Variants in MROH1 observed in about 807,000 individuals in gnomAD.
MROH1 encodes maestro heat-like repeat-containing protein family member 1.
MROH1 carries 117 observed loss-of-function variants against 116.5 expected under a neutral mutation model. The ratio of observed to expected loss-of-function variants is 1.00; its 90% CI spans 0.86 to 1.17. The LOEUF is 1.17. MROH1 is among the 50% of genes most tolerant of loss of function. MROH1 has a pLI of 0.00. For missense variants in MROH1, 1,873 were observed against 1,338.5 expected, an observed-to-expected ratio of 1.40 and a Z score of -6.23; for synonymous variants, 921 against 583.9, an observed-to-expected ratio of 1.58 and a Z score of -8.32.
At position 144,175,508 on chromosome 8, in the gene MROH1, C is replaced by T. The variant is rs1587893916; in HGVS notation, c.169-3947C>T. ...TCCCCAGTTCCTGCACTATACCGGC[C>T]GTGCTGCCCCGGCAGTTAATCCACC... On this transcript the variant is annotated intron_variant, in intron 4 of 43. Transcript: ENST00000326134. 7 of 985,474 alleles carry T rather than the reference C, an allele frequency of 7.1e-6. No individual in the cohort carries two copies. The South Asian group carries it at 2.3e-4, about 33-fold the overall frequency. The allele number at this position is 985,474 out of a possible 1,614,324, so 61.0% of individuals were successfully genotyped here.
chr8:144,148,131 GA>G (rs2130300924), intron 1 of MROH1, 55 bp downstream of exon 1: 1 of 152,396 alleles, frequency 6.6e-6, no homozygotes, highest in African/African-American at 2.4e-5. Context: ...GCCCCTCGGG[GA>G]AGTCTGGGCT....
chr8:144,180,679 T>TG lies in MROH1; in HGVS notation c.562+162dup, dbSNP rs1169320493. Among the ~76,000 whole-genome samples, 1 of 151,936 alleles carries TG rather than the reference T, an allele frequency of 6.6e-6. No homozygotes were observed. The highest frequency in any genetic ancestry group is 1.5e-5 in the Non-Finnish European group (1 of 67,908). On this transcript the variant is annotated intron_variant, in intron 7 of 43. Transcript: ENST00000326134. This position sits in a 1 kb window ranked among gnomAD's most constrained non-coding sequence, Gnocchi z 7.4. ...CCCCTGGCTGAGGCTGCTGGCTGGT[T>TG]GGGGGGCCCATGTGGGGCTGACACA...
At chr8:144,244,051 T>C (rs1841462651) in intron 26 of MROH1, 109 bp downstream of exon 26, 1 of 715,998 alleles carries the variant, frequency 1.4e-6, no homozygotes, top group South Asian at 1.5e-5. Context: ...TGTGTGCCTG[T>C]GCTTGCGTGT....
In MROH1 at chr8:144,260,166, T is replaced by C. The variant is rs1463009939; in HGVS notation, c.4192-20T>C. ...CAGACGGTGACTCTGGGACCCAGGC[T>C]GAGTGTAAGGTATCCTCAGGTGCGA... On this transcript the variant is annotated intron_variant, in intron 38 of 43. Transcript: ENST00000326134. 19 of 764,134 alleles carry C rather than the reference T, an allele frequency of 2.5e-5. No individual in the cohort carries two copies. The Admixed American group carries it at 3.2e-4, about 13-fold the overall frequency. 47.3% of individuals were successfully genotyped at this position (764,134 alleles called of 1,614,324 possible). A position where few individuals can be genotyped will look rare whatever the true frequency, so the allele number is the denominator to read the frequency against.
At chr8:144,202,238 G>A (rs1023057856) in intron 12 of MROH1, among the ~76,000 whole-genome samples, 4 of 151,998 alleles carry the variant, frequency 2.6e-5, no homozygotes, top group Admixed American at 2.0e-4. Context: ...GAGGCTGGCG[G>A]GGGGAGAGCC....
At chr8:144,181,758 A>ACGTGCCATCCAGGCTGCAGGG (rs1825773610) in intron 7 of MROH1, among the ~76,000 whole-genome samples, 1 of 152,098 alleles carries the variant, frequency 6.6e-6, no homozygotes, top group Non-Finnish European at 1.5e-5. Context: ...GGGGCGCAGG[A>ACGTGCCATCCAGGCTGCAGGG]CGTGCCATCC....
At position 144,261,467 on chromosome 8, in the gene MROH1, G is replaced by A. The variant is rs947753637; in HGVS notation, c.4840+118G>A. The A allele has an allele frequency of 3.4e-4, 235 of 697,066 alleles. 3 individuals carry two copies. Among genetic ancestry groups the A allele is most frequent in the Admixed American group, 1.2e-4 (6 of 49,454 alleles). 43.2% of individuals were successfully genotyped at this position (697,066 alleles called of 1,614,324 possible). A position where few individuals can be genotyped will look rare whatever the true frequency, so the allele number is the denominator to read the frequency against. Reference sequence around the variant, plus strand: ...TTTCCCTGTCACTGGTGACCTCATCGTCTCTAGTAATTCACGGAAACTTCT... The same window carrying A: ...TTTCCCTGTCACTGGTGACCTCATCATCTCTAGTAATTCACGGAAACTTCT... On this transcript the variant is annotated intron_variant, in intron 43 of 43. Transcript: ENST00000326134.
At chr8:144,161,879 C>T (rs369985097) in intron 2 of MROH1, among the ~76,000 whole-genome samples, 1 of 152,098 alleles carries the variant, frequency 6.6e-6, no homozygotes, top group African/African-American at 2.4e-5. Flanking sequence ...CCACTCAGCC[C>T]AGCTTCTCCG....
chr8:144,174,604 C>T (rs559612493), intron 4 of MROH1, among the ~76,000 whole-genome samples: 5 of 152,056 alleles, frequency 3.3e-5, no homozygotes, highest in African/African-American at 1.2e-4. Flanking sequence ...CTGCTTCAGC[C>T]TCCGAAGTAG....
At chr8:144,238,623 CTG>C in intron 14 of MROH1, 131 bp from the exon 15 acceptor site, 1 of 667,092 alleles carries the variant, frequency 1.5e-6, no homozygotes, top group South Asian at 1.6e-5. Flanking sequence ...CCTTTCCTGT[CTG>C]TGGCAGGTGG....
At chr8:144,158,453 CATT>C (rs1345149984) in intron 1 of MROH1, among the ~76,000 whole-genome samples, 5 of 152,250 alleles carry the variant, frequency 3.3e-5, no homozygotes, top group Admixed American at 1.3e-4. Flanking sequence ...AAGTTGAACT[CATT>C]ATTTTTTTCC....
At chr8:144,187,258 A>T (rs967293031) in intron 7 of MROH1, among the ~76,000 whole-genome samples, 1 of 152,032 alleles carries the variant, frequency 6.6e-6, no homozygotes, top group Admixed American at 6.6e-5. Context: ...AAAAAATATA[A>T]AATTAGCCAG....
At chr8:144,196,164 C>T (rs1829846449) in intron 10 of MROH1, among the ~76,000 whole-genome samples, 1 of 151,500 alleles carries the variant, frequency 6.6e-6, no homozygotes, top group South Asian at 2.1e-4. Flanking sequence ...GTGGCGGGTG[C>T]CTGTAATCCC....
chr8:144,221,251 C>T (rs1461346335), intron 13 of MROH1, among the ~76,000 whole-genome samples: 1 of 152,190 alleles, frequency 6.6e-6, no homozygotes, highest in African/African-American at 2.4e-5. Context: ...GCTGATGCCA[C>T]GTGGCCCGTA....
chr8:144,220,042 C>G (rs1174012878), intron 12 of MROH1, among the ~76,000 whole-genome samples: 1 of 152,194 alleles, frequency 6.6e-6, no homozygotes, highest in Non-Finnish European at 1.5e-5. Context: ...TGCACTGTCC[C>G]CAGTGTCCTT....
chr8:144,198,737 G>A (rs1168619741), intron 10 of MROH1, among the ~76,000 whole-genome samples: 2 of 152,198 alleles, frequency 1.3e-5, no homozygotes, highest in Non-Finnish European at 2.9e-5. Context: ...TGGGGCATGG[G>A]AGACTCTCCT....
chr8:144,200,064 G>C (rs987082317), intron 11 of MROH1, among the ~76,000 whole-genome samples: 1 of 152,154 alleles, frequency 6.6e-6, no homozygotes, highest in African/African-American at 2.4e-5. Context: ...TTGACAGCTC[G>C]AGTCCCCTTG....
intron 7 of MROH1, among the ~76,000 whole-genome samples, chr8:144,190,436 C>T (rs1425714230): frequency 6.6e-6 from 1 of 152,098 alleles, no homozygotes; most frequent in African/African-American, 2.4e-5. Flanking sequence ...AGGAGAATTG[C>T]TTGAACCTGG....
chr8:144,239,548 G>T, intron 17 of MROH1, 66 bp from the exon 18 acceptor site: 1 of 762,572 alleles, frequency 1.3e-6, no homozygotes, highest in Non-Finnish European at 2.4e-6. Context: ...TGGTCCTGCA[G>T]GTGCAGGTTG....
Sources: allele counts gnomAD v4.1 joint callset (sites outside exome capture counted in the v4.1 genomes callset), GRCh38; gene constraint gnomAD v4.1.1; non-coding constraint Gnocchi (gnomAD v3.1); transcripts MANE v1.5; gene names NCBI Gene and HGNC (gene_info 2026-07-23, HGNC 2026-07-21).